The following RFC3 variants were observed in gnomAD, a reference collection of about 807,000 sequenced individuals.
RFC3 encodes A1 38 kDa subunit.
In RFC3, 41 loss-of-function variants were observed where a neutral mutation model predicts 45.1. The observed-to-expected ratio is 0.91, with a 90% CI of 0.71 to 1.18. RFC3 has a LOEUF of 1.18. Among genes scored for constraint, RFC3 ranks in the 50% most tolerant of loss-of-function variants. The pLI is 0.00. For synonymous variants in RFC3, 149 were observed against 144.0 expected (o/e 1.03, Z -0.25); for missense variants, 423 against 428.1 (o/e 0.99, Z 0.10).
chr13:33,966,599 A>G (rs2296969), downstream of RFC3: 68,909 of 158,672 alleles, frequency 0.43, 16,388 homozygotes, highest in East Asian at 0.78. Context: ...TTTTCTATGC[A>G]CATTGGTTTG....
At chr13:33,941,156 C>T (rs2082921557) in intron 8 of RFC3, among the ~76,000 whole-genome samples, 2 of 152,084 alleles carry the variant, frequency 1.3e-5, no homozygotes, top group African/African-American at 2.4e-5. Context: ...CTGTTCTCTT[C>T]AGCAGGGGTA....
chr13:33,899,236 A>AATT (rs916022963), intron 8 of RFC3, among the ~76,000 whole-genome samples: 21 of 150,096 alleles, frequency 1.4e-4, no homozygotes, highest in South Asian at 2.1e-4. Flanking sequence ...AAAAGAACAA[A>AATT]ATTACAGGCC....
intron 8 of RFC3, among the ~76,000 whole-genome samples, chr13:33,939,011 T>C (rs1468862416): frequency 1.3e-5 from 2 of 152,184 alleles, no homozygotes; most frequent in East Asian, 3.8e-4. Flanking sequence ...ATTATAATGA[T>C]GATTAATAAA....
At chr13:33,925,213 GTGTACTATATACATACACATAT>G (rs2082798365) in intron 8 of RFC3, among the ~76,000 whole-genome samples, 1 of 114,924 alleles carries the variant, frequency 8.7e-6, no homozygotes. Context: ...TACACATATA[GTGTACTATATACATACACATAT>G]AGTGTACTAT....
chr13:33,899,460 C>T (rs1404389457), intron 8 of RFC3, among the ~76,000 whole-genome samples: 3 of 151,476 alleles, frequency 2.0e-5, no homozygotes, highest in Non-Finnish European at 3.0e-5. Context: ...ATGCTAAAAA[C>T]GCATTTGATA....
At chr13:33,908,520 G>A (rs919301943) in intron 8 of RFC3, among the ~76,000 whole-genome samples, 1 of 151,694 alleles carries the variant, frequency 6.6e-6, no homozygotes, top group African/African-American at 2.4e-5. Flanking sequence ...CAGAGAAGGA[G>A]GGCAATTGTC....
At chr13:33,825,936 C>G (rs1282023489) in intron 4 of RFC3, 50 bp downstream of exon 4, 1 of 1,183,806 alleles carries the variant, frequency 8.4e-7, no homozygotes, top group Non-Finnish European at 1.2e-6. Context: ...CATTAGTGCT[C>G]TCTCTTTTTT....
intron 8 of RFC3, among the ~76,000 whole-genome samples, chr13:33,882,552 T>A (rs1000917058): frequency 6.6e-6 from 1 of 152,234 alleles, no homozygotes. Context: ...TCTCTCTGTC[T>A]GTCTCTATGC....
In RFC3 at chr13:33,820,997, A is replaced by G; in HGVS notation, c.88-135A>G. ...CTCCAAGTTTTACACATATATAAAA[A>G]ATTGGGTGTATCTACTCATGAACTG... On this transcript the variant is annotated intron_variant, in intron 1 of 8. Coordinates refer to ENST00000380071, the MANE Select transcript of RFC3 (RefSeq NM_002915.4). 5 of 616,604 alleles carry G rather than the reference A, an allele frequency of 8.1e-6. No individual in the cohort carries two copies. In the South Asian group the frequency reaches 1.8e-4, roughly 22 times the overall value. The allele number at this position is 616,604 out of a possible 1,614,324, so 38.2% of individuals were successfully genotyped here.
chr13:33,896,496 G>A (rs116303218), intron 8 of RFC3, among the ~76,000 whole-genome samples: 4,563 of 151,710 alleles, frequency 0.03, 213 homozygotes, highest in African/African-American at 0.1. Flanking sequence ...GGCCAAGAAG[G>A]GTGGATCACT....
At chr13:33,956,625 C>A (rs1566042098) in intron 8 of RFC3, among the ~76,000 whole-genome samples, 2 of 152,126 alleles carry the variant, frequency 1.3e-5, no homozygotes, top group Non-Finnish European at 2.9e-5. Flanking sequence ...TTTCTTAGAA[C>A]TTCTGTATCA....
intron 8 of RFC3, among the ~76,000 whole-genome samples, chr13:33,913,372 G>C (rs1363630581): frequency 6.6e-6 from 1 of 152,096 alleles, no homozygotes; most frequent in Non-Finnish European, 1.5e-5. Flanking sequence ...AATTCAGAGA[G>C]AAAGCCAGAG....
chr13:33,904,135 T>G (rs189478113), intron 8 of RFC3, among the ~76,000 whole-genome samples: 151 of 152,206 alleles, frequency 9.9e-4, no homozygotes, highest in African/African-American at 3.4e-3. Flanking sequence ...TTATTTGCTG[T>G]ACCTTAGGGA....
At chr13:33,907,058 G>A (rs756951261) in intron 8 of RFC3, among the ~76,000 whole-genome samples, 6 of 151,998 alleles carry the variant, frequency 3.9e-5, no homozygotes, top group Non-Finnish European at 7.4e-5. Context: ...CACTGGGCCC[G>A]AATGATCCTC....
At chr13:33,972,646 A>G in the RFC3 span, among the ~76,000 whole-genome samples, 1 of 152,210 alleles carries the variant, frequency 6.6e-6, no homozygotes. Flanking sequence ...CTGTACCTGC[A>G]AGATTCATAA....
At chr13:33,912,237 G>A (rs568394810) in intron 8 of RFC3, among the ~76,000 whole-genome samples, 9 of 152,022 alleles carry the variant, frequency 5.9e-5, no homozygotes, top group African/African-American at 2.2e-4. Context: ...GTTGTCATTC[G>A]ACAAATGGAG....
At chr13:33,922,336 G>T (rs1265505022) in intron 8 of RFC3, among the ~76,000 whole-genome samples, 1 of 151,944 alleles carries the variant, frequency 6.6e-6, no homozygotes, top group Non-Finnish European at 1.5e-5. Flanking sequence ...ATCCTAGAAA[G>T]AAAATATTTG....
At chr13:33,839,972 G>C (rs1348068684), downstream of RFC3, among the ~76,000 whole-genome samples, 1 of 152,164 alleles carries the variant, frequency 6.6e-6, no homozygotes, top group African/African-American at 2.4e-5. Context: ...TTTCTGAAGA[G>C]AGATATGTAG....
rs552730571 is a variant in RFC3, at chr13:33,823,521, T to C, written c.226-396T>C. The stretch of plus-strand genomic sequence containing the variant: ...AAACACAGAGACGTGTATGATTTCC[T>C]TTTTTTAATTTTTATTTTTTACAAG... On this transcript the variant is annotated intron_variant, in intron 2 of 8. Transcript: ENST00000380071. Among the ~76,000 whole-genome samples the C allele has an allele frequency of 2.6e-5, 4 of 152,268 alleles. No individual in the cohort carries two copies. In the East Asian group the frequency reaches 7.7e-4, roughly 29 times the overall value.
Sources: allele counts gnomAD v4.1 joint callset (sites outside exome capture counted in the v4.1 genomes callset), GRCh38; gene constraint gnomAD v4.1.1; transcripts MANE v1.5; gene names NCBI Gene and HGNC (gene_info 2026-07-23, HGNC 2026-07-21).